The following IGF1R variants were observed in gnomAD, a reference collection of about 807,000 sequenced individuals.
IGF1R encodes insulin like growth factor 1 receptor, also known as insulin-like growth factor 1 receptor.
In IGF1R, 44 loss-of-function variants were observed where a neutral mutation model predicts 144.6. The observed-to-expected ratio is 0.30, with a 90% CI of 0.24 to 0.39. The LOEUF (loss-of-function observed/expected upper bound fraction) is 0.39. Ranked by LOEUF, IGF1R falls within the 10% of genes least tolerant of loss-of-function variation. The pLI, the probability that IGF1R is intolerant of heterozygous loss-of-function variation, is 1.00. For synonymous variants in IGF1R, 795 were observed against 722.8 expected, an observed-to-expected ratio of 1.10 and a Z score of -1.60; for missense variants, 1,355 against 1,833.7, an observed-to-expected ratio of 0.74 and a Z score of 4.77.
chr15:98,808,098 G>A (rs1161083737), intron 2 of IGF1R, among the ~76,000 whole-genome samples: 1 of 152,168 alleles, frequency 6.6e-6, no homozygotes, highest in Admixed American at 6.5e-5. Context: ...GGAAAGGTAC[G>A]TGGGATAGCC....
chr15:98,897,029 A>AGC (rs1156659150), intron 4 of IGF1R, 124 bp downstream of exon 4: 1 of 853,154 alleles, frequency 1.2e-6, no homozygotes, highest in African/African-American at 1.7e-5. Flanking sequence ...ATGGTGTGTA[A>AGC]GCCTCACGCA....
chr15:98,904,321 G>A (rs1255791784), intron 5 of IGF1R, among the ~76,000 whole-genome samples: 2 of 152,010 alleles, frequency 1.3e-5, no homozygotes, highest in African/African-American at 2.4e-5. Context: ...GAAAGTGCTG[G>A]GATTACAGGT....
intron 17 of IGF1R, among the ~76,000 whole-genome samples, chr15:98,936,060 T>C (rs1270098383): frequency 6.6e-6 from 1 of 152,200 alleles, no homozygotes; most frequent in Non-Finnish European, 1.5e-5. Flanking sequence ...AGATGTGCAC[T>C]CATTCATAAA....
At chr15:98,754,615 T>TA (rs1485014489) in intron 2 of IGF1R, among the ~76,000 whole-genome samples, 1 of 152,234 alleles carries the variant, frequency 6.6e-6, no homozygotes, top group Admixed American at 6.5e-5. Flanking sequence ...CAGCCATGGT[T>TA]AGGCACTGCC....
In IGF1R at chr15:98,829,628, G is replaced by T. The variant is rs558030945; in HGVS notation, c.641-61697G>T. On this transcript the variant is annotated intron_variant, in intron 2 of 20. Coordinates refer to ENST00000650285, the MANE Select transcript of IGF1R (RefSeq NM_000875.5). ...CTCTAAATAGAAGCAGGAGAACACT[G>T]TGGCTCTCGGATCCAGGAGAGGCAG... Among the ~76,000 whole-genome samples the T allele has an allele frequency of 2.6e-5, 4 of 152,338 alleles. No individual in the cohort carries two copies. The South Asian group carries it at 8.3e-4, about 32-fold the overall frequency.
At chr15:98,685,011 TG>T (rs1261325386) in intron 1 of IGF1R, among the ~76,000 whole-genome samples, 2 of 150,120 alleles carry the variant, frequency 1.3e-5, no homozygotes, top group Non-Finnish European at 2.9e-5. Context: ...GGCATGGTCA[TG>T]GCTTACTGCA....
intron 1 of IGF1R, among the ~76,000 whole-genome samples, chr15:98,694,498 T>C (rs570029036): frequency 4.6e-5 from 7 of 152,140 alleles, no homozygotes; most frequent in African/African-American, 1.7e-4. Flanking sequence ...TTTTTTTTTT[T>C]TGGACCTCAG....
At chr15:98,758,623 C>G (rs1017175701) in intron 2 of IGF1R, among the ~76,000 whole-genome samples, 12 of 152,202 alleles carry the variant, frequency 7.9e-5, no homozygotes, top group African/African-American at 2.9e-4. Flanking sequence ...GCAGGATGAG[C>G]AGGGTGCAGG....
chr15:98,922,649 C>A (rs1403265999), intron 11 of IGF1R, among the ~76,000 whole-genome samples: 1 of 152,242 alleles, frequency 6.6e-6, no homozygotes, highest in Non-Finnish European at 1.5e-5. Flanking sequence ...CTTGGTCTCT[C>A]CATAGAACGT....
chr15:98,858,278 AGTTTCCCCCCGCTTCGTT>A (rs533235374), intron 2 of IGF1R, among the ~76,000 whole-genome samples: 307 of 152,334 alleles, frequency 2.0e-3, no homozygotes, highest in African/African-American at 7.1e-3. Flanking sequence ...GTTCATTTGT[AGTTTCCCCCCGCTTCGTT>A]GTTTCCTCAG....
At chr15:98,930,962 G>A (rs1020910034) in intron 15 of IGF1R, among the ~76,000 whole-genome samples, 4 of 152,156 alleles carry the variant, frequency 2.6e-5, no homozygotes, top group Non-Finnish European at 5.9e-5. Context: ...AGGGTGAGGG[G>A]TTGGTCACTG....
intron 11 of IGF1R, among the ~76,000 whole-genome samples, chr15:98,923,512 G>A (rs1333779746): frequency 1.3e-5 from 2 of 152,246 alleles, no homozygotes; most frequent in African/African-American, 2.4e-5. Context: ...CTTTTTTCAA[G>A]TGGTAGGCAC....
At chr15:98,709,688 C>T (rs1239066893) in intron 2 of IGF1R, among the ~76,000 whole-genome samples, 1 of 152,140 alleles carries the variant, frequency 6.6e-6, no homozygotes, top group Non-Finnish European at 1.5e-5. Context: ...CCAGGAATGA[C>T]CTTGGATGGG....
At chr15:98,902,190 C>T (rs2014513987) in intron 5 of IGF1R, among the ~76,000 whole-genome samples, 1 of 152,044 alleles carries the variant, frequency 6.6e-6, no homozygotes, top group Admixed American at 6.6e-5. Flanking sequence ...TCAATAGGAG[C>T]GTTTGGGGTT....
At chr15:98,795,993 C>T (rs2056233031) in intron 2 of IGF1R, among the ~76,000 whole-genome samples, 2 of 152,214 alleles carry the variant, frequency 1.3e-5, no homozygotes, top group South Asian at 2.1e-4. Context: ...CCATCCATGG[C>T]GTGTTCCTCT....
chr15:98,703,439 C>T (rs971146472), intron 1 of IGF1R, among the ~76,000 whole-genome samples: 1 of 152,084 alleles, frequency 6.6e-6, no homozygotes, highest in Non-Finnish European at 1.5e-5. Context: ...CATGGTCCAG[C>T]TTGGTTTTCT....
intron 2 of IGF1R, among the ~76,000 whole-genome samples, chr15:98,887,437 A>G (rs893673737): frequency 6.8e-6 from 1 of 147,464 alleles, no homozygotes; most frequent in Non-Finnish European, 1.5e-5. Flanking sequence ...TCTTATTACT[A>G]CTGCATTAAT....
At chr15:98,850,601 G>A (rs1249038271) in intron 2 of IGF1R, among the ~76,000 whole-genome samples, 1 of 152,206 alleles carries the variant, frequency 6.6e-6, no homozygotes, top group Non-Finnish European at 1.5e-5. Flanking sequence ...TGTTGCCAAG[G>A]GAAGAAGTGA....
At chr15:98,787,452 G>A (rs1027101771) in intron 2 of IGF1R, among the ~76,000 whole-genome samples, 1 of 152,172 alleles carries the variant, frequency 6.6e-6, no homozygotes, top group African/African-American at 2.4e-5. Flanking sequence ...AAGGGAAAAT[G>A]GTGACACAGA....
Sources: gnomAD v4.1 joint callset for allele counts (sites outside exome capture counted in the v4.1 genomes callset) on GRCh38, gnomAD v4.1.1 for gene constraint, MANE v1.5 for transcripts, NCBI Gene and HGNC (gene_info 2026-07-23, HGNC 2026-07-21) for gene names.